The following POF1B variants were observed in gnomAD, a reference collection of about 807,000 sequenced individuals.
The protein encoded by POF1B is protein POF1B.
In POF1B, 53 loss-of-function variants were observed where a neutral mutation model predicts 55.3. The observed-to-expected ratio is 0.96, with a 90% CI of 0.77 to 1.20. The LOEUF (loss-of-function observed/expected upper bound fraction) is 1.20, where lower values mean the gene tolerates loss of function less well. POF1B is among the 50% of genes most tolerant of loss of function. POF1B has a pLI of 0.00. For missense variants in POF1B, 478 were observed against 420.5 expected (o/e 1.14, Z -1.20); for synonymous variants, 188 against 148.3 (o/e 1.27, Z -1.95).
intron 15 of POF1B, among the ~76,000 whole-genome samples, chrX:85,285,398 A>G (rs1277067893): frequency 5.4e-5 from 6 of 111,148 alleles, no homozygotes; most frequent in Admixed American, 2.9e-4. Flanking sequence ...CTTGGAACCA[A>G]CCCAAATGTC....
At chrX:85,323,866 C>T (rs751160053) in intron 7 of POF1B, among the ~76,000 whole-genome samples, 2 of 111,089 alleles carry the variant, frequency 1.8e-5, no homozygotes, top group Non-Finnish European at 3.8e-5. Context: ...CTATAAACTT[C>T]CCTTATAACA....
At chrX:85,300,056 C>T (rs1450035269) in intron 15 of POF1B, among the ~76,000 whole-genome samples, 2 of 112,353 alleles carry the variant, frequency 1.8e-5, no homozygotes, top group African/African-American at 3.2e-5. Context: ...TCACAACTAC[C>T]TGAGGTGGCT....
intron 9 of POF1B, among the ~76,000 whole-genome samples, chrX:85,312,932 T>C (rs1005782618): frequency 9.0e-6 from 1 of 111,635 alleles, no homozygotes; most frequent in African/African-American, 3.3e-5. Flanking sequence ...ATTCTCTTTG[T>C]AGCAATTGTG....
At chrX:85,356,711 TCTA>T (rs1933509116) in intron 4 of POF1B, among the ~76,000 whole-genome samples, 1 of 111,459 alleles carries the variant, frequency 9.0e-6, no homozygotes, top group Non-Finnish European at 1.9e-5. Context: ...GCTAGACAAT[TCTA>T]CTATTTTGGC....
rs1005709121 is a variant in POF1B, at chrX:85,312,634, C to G, written c.957+1798G>C. Among the ~76,000 whole-genome samples, 4 of 111,171 alleles carry G rather than the reference C, an allele frequency of 3.6e-5. No homozygotes were observed. In the East Asian group the frequency reaches 1.1e-3, roughly 32 times the overall value. The stretch of plus-strand genomic sequence containing the variant: ...GATGCCTCCAGCTTTGTTCTTTTGG[C>G]TTAGGATTGTCTTGGATATATGGGC... On this transcript the variant is annotated intron_variant, in intron 9 of 16. Transcript: ENST00000262753.
intron 6 of POF1B, among the ~76,000 whole-genome samples, chrX:85,337,041 G>T (rs1415827417): frequency 8.9e-6 from 1 of 111,749 alleles, no homozygotes; most frequent in Non-Finnish European, 1.9e-5. Flanking sequence ...AGCACAGTTT[G>T]TGGAAGAGAC....
At chrX:85,318,844 C>T (rs1932810044) in intron 7 of POF1B, among the ~76,000 whole-genome samples, 1 of 110,407 alleles carries the variant, frequency 9.1e-6, no homozygotes, top group Admixed American at 9.6e-5. Flanking sequence ...GATTGTCTTG[C>T]TATTCCAGTC....
At chrX:85,311,906 T>A (rs1932710564) in intron 9 of POF1B, among the ~76,000 whole-genome samples, 1 of 112,447 alleles carries the variant, frequency 8.9e-6, no homozygotes, top group South Asian at 3.7e-4. Flanking sequence ...GTGGTTTTGA[T>A]TTGCATTTCT....
At chrX:85,308,007 G>A in intron 10 of POF1B, 117 bp downstream of exon 10, 2 of 369,378 alleles carry the variant, frequency 5.4e-6, no homozygotes, top group Non-Finnish European at 9.3e-6. Context: ...AGCTTTGTCT[G>A]AATAAGCATA....
At chrX:85,337,751 A>G in intron 6 of POF1B, among the ~76,000 whole-genome samples, 1 of 112,099 alleles carries the variant, frequency 8.9e-6, no homozygotes, top group East Asian at 2.8e-4. Context: ...ATGAAAAAAG[A>G]ATTGAATTTG....
intron 15 of POF1B, among the ~76,000 whole-genome samples, chrX:85,283,381 G>A (rs930393657): frequency 2.2e-4 from 24 of 110,139 alleles, no homozygotes; most frequent in Non-Finnish European, 4.0e-4. Flanking sequence ...GAACACAGGA[G>A]AGAAATAGAT....
intron 9 of POF1B, 134 bp downstream of exon 9, chrX:85,314,298 G>T: frequency 2.1e-6 from 1 of 466,590 alleles, no homozygotes; most frequent in Non-Finnish European, 3.4e-6. Flanking sequence ...TATATCCCTT[G>T]TCTAACCAAA....
intron 9 of POF1B, among the ~76,000 whole-genome samples, chrX:85,309,166 A>G (rs959309946): frequency 1.8e-5 from 2 of 110,868 alleles, no homozygotes; most frequent in Non-Finnish European, 1.9e-5. Flanking sequence ...ACTTTCTGCA[A>G]CCAATCCGAC....
At chrX:85,293,707 C>A (rs1932243775) in intron 15 of POF1B, among the ~76,000 whole-genome samples, 1 of 112,169 alleles carries the variant, frequency 8.9e-6, no homozygotes, top group African/African-American at 3.2e-5. Flanking sequence ...GGCATGGTGG[C>A]TCATGTCTGT....
rs1931826182 is a variant in POF1B at position 85,278,525 on chromosome X, A to G, written c.*896T>C. 9.0e-6 allele frequency: 1 copy of G among 111,575 alleles called. No individual in the cohort carries two copies. Among genetic ancestry groups the G allele is most frequent in the African/African-American group, 3.2e-5 (1 of 30,875 alleles). 9.2% of individuals were successfully genotyped at this position (111,575 alleles called of 1,213,427 possible). On this transcript the variant is annotated 3_prime_UTR_variant, in exon 17 of 17. Transcript: ENST00000262753. ...AGTATACTAAATACTCTGCTACAAA[A>G]TATTTCTCCCAAGTAGGATAAATCT...
At chrX:85,292,344 T>G (rs1932210352) in intron 15 of POF1B, among the ~76,000 whole-genome samples, 2 of 111,706 alleles carry the variant, frequency 1.8e-5, no homozygotes, top group Non-Finnish European at 3.8e-5. Context: ...TTGCCAGTAT[T>G]TGTTGAGGAT....
chrX:85,359,966 T>C (rs774675705), intron 3 of POF1B, among the ~76,000 whole-genome samples: 25 of 109,478 alleles, frequency 2.3e-4, no homozygotes, highest in Non-Finnish European at 4.2e-4. Context: ...AACCTCTGGT[T>C]TGGAAAAGAC....
At chrX:85,289,202 T>C (rs954115003) in intron 15 of POF1B, among the ~76,000 whole-genome samples, 1 of 110,588 alleles carries the variant, frequency 9.0e-6, no homozygotes, top group African/African-American at 3.3e-5. Flanking sequence ...GAACAGAAAG[T>C]GGGGGAAGAA....
At chrX:85,322,836 A>G (rs932761500) in intron 7 of POF1B, among the ~76,000 whole-genome samples, 15 of 112,090 alleles carry the variant, frequency 1.3e-4, no homozygotes, top group Admixed American at 9.5e-5. Flanking sequence ...CACAAAACAC[A>G]TGAAAAAATG....
Sources: allele counts gnomAD v4.1 joint callset (sites outside exome capture counted in the v4.1 genomes callset), GRCh38; gene constraint gnomAD v4.1.1; transcripts MANE v1.5; gene names NCBI Gene and HGNC (gene_info 2026-07-23, HGNC 2026-07-21).